Variants in RASA1 observed in about 807,000 individuals in gnomAD.
The protein encoded by RASA1 is ras GTPase-activating protein 1.
RASA1 carries 25 observed loss-of-function variants against 132.2 expected under a neutral mutation model. The observed-to-expected ratio is 0.19, with a 90% confidence interval of 0.14 to 0.26. RASA1 has a LOEUF of 0.26. Ranked by LOEUF, RASA1 falls within the 10% of genes least tolerant of loss-of-function variation. The probability of loss-of-function intolerance (pLI) is 1.00; values close to 1 mark genes in which losing one functional copy is unlikely to be tolerated. For missense variants in RASA1, 964 were observed against 1,299.2 expected, an observed-to-expected ratio of 0.74 and a Z score of 3.97; for synonymous variants, 477 against 449.9, an observed-to-expected ratio of 1.06 and a Z score of -0.76.
intron 15 of RASA1, 76 bp from the exon 16 acceptor site, chr5:87,376,317 C>T: frequency 6.5e-7 from 1 of 1,535,796 alleles, no homozygotes. Context: ...GAAGACTGAA[C>T]ACCAGGAAAA....
At chr5:87,301,138 G>A (rs996562291) in intron 1 of RASA1, among the ~76,000 whole-genome samples, 3 of 152,138 alleles carry the variant, frequency 2.0e-5, no homozygotes, top group Admixed American at 1.3e-4. Flanking sequence ...TGAGGGAGAG[G>A]GTAACAGCTG....
At chr5:87,281,220 A>G (rs574198626) in intron 1 of RASA1, among the ~76,000 whole-genome samples, 2 of 150,382 alleles carry the variant, frequency 1.3e-5, no homozygotes, top group Non-Finnish European at 3.0e-5. Flanking sequence ...AAGGGTTAGA[A>G]TTTCTCTGCA....
chr5:87,367,820 C>T (rs1172632755), intron 11 of RASA1, among the ~76,000 whole-genome samples: 1 of 152,130 alleles, frequency 6.6e-6, no homozygotes, highest in East Asian at 1.9e-4. Flanking sequence ...TGCCTTCCAA[C>T]ATTTTCGTTG....
At position 87,271,634 on chromosome 5, in the gene RASA1, A is replaced by G. The variant is rs1363070156; in HGVS notation, c.539+2644A>G. Among the ~76,000 whole-genome samples, 4 of 150,894 alleles carry G rather than the reference A, an allele frequency of 2.7e-5. No homozygotes were observed. In the East Asian group the frequency reaches 7.9e-4, roughly 30 times the overall value. ...AGTACCTAGGATTACAGGTGCCCGCAACCAGGCCTGGCTAATTTTCATATT... is the reference window on the plus strand; with the variant it reads ...AGTACCTAGGATTACAGGTGCCCGCGACCAGGCCTGGCTAATTTTCATATT... On this transcript the variant is annotated intron_variant, in intron 1 of 24. Transcript: ENST00000274376.
At chr5:87,269,730 A>G (rs990417083) in intron 1 of RASA1, among the ~76,000 whole-genome samples, 3 of 152,244 alleles carry the variant, frequency 2.0e-5, no homozygotes, top group Non-Finnish European at 4.4e-5. Flanking sequence ...GTTGGTGGCC[A>G]GTATAGTATT....
chr5:87,355,284 C>G (rs1453492143), intron 9 of RASA1, among the ~76,000 whole-genome samples: 1 of 152,140 alleles, frequency 6.6e-6, no homozygotes, highest in Non-Finnish European at 1.5e-5. Context: ...CTGACTGACT[C>G]TTTTCAGGGG....
At chr5:87,285,365 C>T (rs907755426) in intron 1 of RASA1, among the ~76,000 whole-genome samples, 23 of 151,710 alleles carry the variant, frequency 1.5e-4, no homozygotes, top group African/African-American at 5.6e-4. Flanking sequence ...CCGCGCCTGG[C>T]AATGAATGGT....
chr5:87,302,775 G>A (rs1293632317), intron 1 of RASA1, among the ~76,000 whole-genome samples: 1 of 149,972 alleles, frequency 6.7e-6, no homozygotes, highest in Non-Finnish European at 1.5e-5. Flanking sequence ...ACCTCTTCCC[G>A]AATAAACAGA....
intron 9 of RASA1, among the ~76,000 whole-genome samples, 189 bp from the exon 10 acceptor site, chr5:87,362,362 C>T (rs1339399554): frequency 6.6e-5 from 10 of 152,000 alleles, no homozygotes; most frequent in Non-Finnish European, 1.3e-4. Flanking sequence ...ACTTTGTTGT[C>T]GGTGTTCTTC....
At chr5:87,372,282 T>C in intron 13 of RASA1, 87 bp downstream of exon 13, 1 of 1,247,172 alleles carries the variant, frequency 8.0e-7, no homozygotes, top group Non-Finnish European at 1.2e-6. Flanking sequence ...TGAACTGTTT[T>C]GGACATCATA....
At chr5:87,381,430 CTAA>C (rs1351896101) in intron 20 of RASA1, among the ~76,000 whole-genome samples, 5 of 152,150 alleles carry the variant, frequency 3.3e-5, no homozygotes, top group African/African-American at 1.2e-4. Context: ...CAGCAGTTTT[CTAA>C]TAATATAATT....
At chr5:87,390,485 T>TA (rs1284721574) in intron 24 of RASA1, among the ~76,000 whole-genome samples, 3 of 151,594 alleles carry the variant, frequency 2.0e-5, no homozygotes, top group Non-Finnish European at 4.4e-5. Context: ...AGATATTAAA[T>TA]AAAAAAAGCC....
intron 4 of RASA1, among the ~76,000 whole-genome samples, chr5:87,337,127 A>G (rs1463554346): frequency 2.6e-5 from 4 of 152,106 alleles, no homozygotes. Context: ...GGTACCATCC[A>G]ACAAATCTGG....
intron 8 of RASA1, among the ~76,000 whole-genome samples, chr5:87,352,735 A>C (rs1020587230): frequency 6.6e-6 from 1 of 151,638 alleles, no homozygotes; most frequent in African/African-American, 2.4e-5. Flanking sequence ...TGTAAATGTG[A>C]TAATAAAAAT....
At chr5:87,292,601 G>A (rs186734612) in intron 1 of RASA1, among the ~76,000 whole-genome samples, 16 of 151,950 alleles carry the variant, frequency 1.1e-4, no homozygotes, top group African/African-American at 3.9e-4. Flanking sequence ...CAATCCCTCC[G>A]ACTTTTTCTT....
chr5:87,312,471 T>C (rs1755995041), intron 1 of RASA1, among the ~76,000 whole-genome samples: 1 of 152,216 alleles, frequency 6.6e-6, no homozygotes, highest in East Asian at 1.9e-4. Flanking sequence ...TTTAAGATTT[T>C]CTGAGTTCTA....
At chr5:87,280,943 G>A (rs1754291809) in intron 1 of RASA1, among the ~76,000 whole-genome samples, 1 of 150,880 alleles carries the variant, frequency 6.6e-6, no homozygotes, top group Admixed American at 6.6e-5. Context: ...TTTTTTTGAG[G>A]CTGAATAATG....
At chr5:87,353,028 G>T in intron 8 of RASA1, 129 bp from the exon 9 acceptor site, 2 of 668,636 alleles carry the variant, frequency 3.0e-6, no homozygotes, top group Middle Eastern at 4.1e-4. Context: ...TTCTATTAAT[G>T]TATTTGTGTT....
chr5:87,284,342 A>G (rs1179903434), intron 1 of RASA1, among the ~76,000 whole-genome samples: 2 of 152,214 alleles, frequency 1.3e-5, no homozygotes, highest in Non-Finnish European at 2.9e-5. Context: ...CTCTCTCTAT[A>G]TAGACAGACA....
Sources: allele counts gnomAD v4.1 joint callset (sites outside exome capture counted in the v4.1 genomes callset), GRCh38; gene constraint gnomAD v4.1.1; transcripts MANE v1.5; gene names NCBI Gene and HGNC (gene_info 2026-07-23, HGNC 2026-07-21).